AP3B1: variants seen among roughly 807,000 people sequenced by gnomAD.
AP3B1 encodes the protein adaptor related protein complex 3 subunit beta 1, also known as AP-3 complex subunit beta-1.
A neutral mutation model predicts 132.5 loss-of-function variants in AP3B1; 61 were observed. The ratio of observed to expected loss-of-function variants is 0.46; its 90% CI spans 0.37 to 0.57. The LOEUF is 0.57. AP3B1 is among the 20% of genes least tolerant of loss of function. AP3B1 has a pLI of 0.00. For synonymous variants in AP3B1, 388 were observed against 438.3 expected, an observed-to-expected ratio of 0.89 and a Z score of 1.43; for missense variants, 1,120 against 1,289.4, an observed-to-expected ratio of 0.87 and a Z score of 2.01.
chr5:78,283,373 C>T (rs1021582596), intron 1 of AP3B1, among the ~76,000 whole-genome samples: 5 of 152,170 alleles, frequency 3.3e-5, no homozygotes, highest in South Asian at 2.1e-4. Context: ...AATTAAGTTT[C>T]GCCCTTTCCT....
chr5:78,086,141 T>G (rs1750239729), intron 22 of AP3B1, among the ~76,000 whole-genome samples: 1 of 152,164 alleles, frequency 6.6e-6, no homozygotes, highest in Admixed American at 6.6e-5. Context: ...GAATCACCCT[T>G]TCCTTGGTTT....
intron 2 of AP3B1, among the ~76,000 whole-genome samples, chr5:78,243,186 C>T (rs1465973861): frequency 6.6e-6 from 1 of 152,140 alleles, no homozygotes; most frequent in Admixed American, 6.5e-5. Flanking sequence ...GAAGCTAAGA[C>T]ATCTTTCTAT....
chr5:78,048,637 A>T lies in AP3B1; in HGVS notation c.2578-9363T>A, dbSNP rs1343005428. Among the ~76,000 whole-genome samples the T allele has an allele frequency of 3.3e-5, 5 of 152,224 alleles. 1 individual carries two copies. Among genetic ancestry groups the T allele is most frequent in the South Asian group, 2.1e-4 (1 of 4,832 alleles). On this transcript the variant is annotated intron_variant, in intron 22 of 26. Coordinates refer to ENST00000255194, the MANE Select transcript of AP3B1 (RefSeq NM_003664.5). ...TGCCACATTGTTCAGTGAGAAAAAA[A>T]AATAATAAAGCAAATTTCAAAGAAA...
chr5:78,249,731 C>G (rs1382845991), intron 2 of AP3B1, among the ~76,000 whole-genome samples: 8 of 151,832 alleles, frequency 5.3e-5, no homozygotes, highest in African/African-American at 1.9e-4. Flanking sequence ...CCACAGGCAC[C>G]CTCCACCATA....
intron 21 of AP3B1, among the ~76,000 whole-genome samples, chr5:78,096,357 G>C (rs188878085): frequency 5.9e-5 from 9 of 152,028 alleles, no homozygotes; most frequent in Non-Finnish European, 1.2e-4. Flanking sequence ...ATCTTGGCTC[G>C]CTACAACCTC....
intron 7 of AP3B1, among the ~76,000 whole-genome samples, chr5:78,191,352 C>A: frequency 9.3e-6 from 1 of 108,050 alleles, no homozygotes; most frequent in Non-Finnish European, 1.8e-5. Flanking sequence ...ATTGCTTTTC[C>A]CCAAAAAAAA....
At chr5:78,250,088 A>C (rs116425661) in intron 2 of AP3B1, among the ~76,000 whole-genome samples, 2,523 of 152,292 alleles carry the variant, frequency 0.017, 78 homozygotes, top group African/African-American at 0.058. Context: ...TTACAACCTA[A>C]GAAATAAGTG....
chr5:78,034,629 G>A (rs995795561), intron 23 of AP3B1, among the ~76,000 whole-genome samples, 184 bp from the exon 24 acceptor site: 6 of 151,858 alleles, frequency 4.0e-5, no homozygotes, highest in Non-Finnish European at 7.4e-5. Flanking sequence ...CTGTTTCAAG[G>A]TTTTCTTTTT....
intron 7 of AP3B1, among the ~76,000 whole-genome samples, chr5:78,210,395 T>C (rs908776618): frequency 1.3e-5 from 2 of 152,336 alleles, no homozygotes; most frequent in East Asian, 1.9e-4. Context: ...AGTTATTTTA[T>C]GGCTACCACT....
chr5:78,047,645 T>G (rs965402870), intron 22 of AP3B1, among the ~76,000 whole-genome samples: 1 of 152,238 alleles, frequency 6.6e-6, no homozygotes, highest in African/African-American at 2.4e-5. Context: ...TCTCCCATTC[T>G]GTAGGTTGTC....
chr5:78,153,321 A>T (rs913314021), intron 14 of AP3B1, among the ~76,000 whole-genome samples: 1 of 151,996 alleles, frequency 6.6e-6, no homozygotes, highest in African/African-American at 2.4e-5. Flanking sequence ...TTTGTCTTTT[A>T]TAAGTGTAGG....
At chr5:78,172,448 C>T (rs1743958561) in intron 11 of AP3B1, among the ~76,000 whole-genome samples, 1 of 152,214 alleles carries the variant, frequency 6.6e-6, no homozygotes, top group Non-Finnish European at 1.5e-5. Context: ...TCAACTTCTT[C>T]CTCGTTTAGT....
chr5:78,268,138 T>C (rs182830150), intron 1 of AP3B1, among the ~76,000 whole-genome samples: 1 of 152,170 alleles, frequency 6.6e-6, no homozygotes, highest in Admixed American at 6.5e-5. Context: ...AAATAAAAAC[T>C]GTCTCTGAGA....
intron 24 of AP3B1, among the ~76,000 whole-genome samples, chr5:78,028,997 T>C (rs576327088): frequency 1.3e-5 from 2 of 152,036 alleles, no homozygotes; most frequent in East Asian, 1.9e-4. Flanking sequence ...ATAGTTTTCC[T>C]TTTTTTTGTA....
At chr5:78,267,430 G>T (rs1398545749) in intron 2 of AP3B1, 90 bp downstream of exon 2, 5 of 519,376 alleles carry the variant, frequency 9.6e-6, no homozygotes, top group Non-Finnish European at 1.3e-5. Context: ...ATTAGACTTG[G>T]TATTTAACGT....
Position 78,175,765 on chromosome 5 carries a change from G to A in AP3B1, c.1095+19C>T, listed in dbSNP as rs377078977. On this transcript the variant is annotated intron_variant, in intron 10 of 26. Coordinates refer to ENST00000255194, the MANE Select transcript of AP3B1 (RefSeq NM_003664.5). ...TGTGTTCATGTGTCTCTTAAATTACGTGTTCAGAACATACATACCTTTCTT... is the reference window on the plus strand; with the variant it reads ...TGTGTTCATGTGTCTCTTAAATTACATGTTCAGAACATACATACCTTTCTT... The A allele has an allele frequency of 9.3e-6, 15 of 1,610,136 alleles. No individual in the cohort carries two copies. Among genetic ancestry groups the A allele is most frequent in the East Asian group, 2.2e-5 (1 of 44,730 alleles).
chr5:78,234,922 A>G (rs1285351255), intron 3 of AP3B1, among the ~76,000 whole-genome samples: 1 of 152,196 alleles, frequency 6.6e-6, no homozygotes. Flanking sequence ...CAGGTTTTGG[A>G]AAGACTGCCT....
intron 13 of AP3B1, among the ~76,000 whole-genome samples, chr5:78,156,583 G>A (rs1743158919): frequency 6.6e-6 from 1 of 152,258 alleles, no homozygotes; most frequent in East Asian, 1.9e-4. Context: ...CTCTGTTGCT[G>A]TCTCCTAGCT....
intron 7 of AP3B1, 41 bp from the exon 8 acceptor site, chr5:78,181,703 T>G: frequency 6.4e-7 from 1 of 1,572,498 alleles, no homozygotes; most frequent in Non-Finnish European, 8.7e-7. Flanking sequence ...CTTTAGACCT[T>G]GAGCAATCTG....
Sources: gnomAD v4.1 joint callset for allele counts (sites outside exome capture counted in the v4.1 genomes callset) on GRCh38, gnomAD v4.1.1 for gene constraint, MANE v1.5 for transcripts, NCBI Gene and HGNC (gene_info 2026-07-23, HGNC 2026-07-21) for gene names.